Variants in CNTNAP4 observed in about 807,000 individuals in gnomAD.
CNTNAP4 encodes contactin associated protein family member 4.
In CNTNAP4, 98 loss-of-function variants were observed where a neutral mutation model predicts 148.4. The ratio of observed to expected loss-of-function variants is 0.66; its 90% CI spans 0.56 to 0.78. The LOEUF is 0.78. Ranked by LOEUF, CNTNAP4 falls within the 30% of genes least tolerant of loss-of-function variation. The pLI is 0.00. For synonymous variants in CNTNAP4, 730 were observed against 565.1 expected (o/e 1.29, Z -4.14); for missense variants, 1,935 against 1,565.6 (o/e 1.24, Z -3.98).
intron 3 of CNTNAP4, among the ~76,000 whole-genome samples, chr16:76,387,075 A>G (rs2016575112): frequency 1.3e-5 from 2 of 152,186 alleles, no homozygotes; most frequent in South Asian, 4.1e-4. Context: ...TCCTGCTGAC[A>G]TCTTGATTTC....
intron 4 of CNTNAP4, among the ~76,000 whole-genome samples, chr16:76,445,840 A>T (rs1385593214): frequency 6.6e-6 from 1 of 152,208 alleles, no homozygotes; most frequent in Non-Finnish European, 1.5e-5. Flanking sequence ...ACTCGGAGAT[A>T]ACTGCATTGC....
chr16:76,357,654 A>T (rs963114705), intron 3 of CNTNAP4, among the ~76,000 whole-genome samples: 2 of 152,242 alleles, frequency 1.3e-5, no homozygotes, highest in Non-Finnish European at 2.9e-5. Flanking sequence ...AGCACCTGGC[A>T]TGTCACAGTC....
chr16:76,510,219 A>G, intron 15 of CNTNAP4, among the ~76,000 whole-genome samples: 1 of 152,134 alleles, frequency 6.6e-6, no homozygotes, highest in East Asian at 1.9e-4. Flanking sequence ...CATATTCTGA[A>G]TATTTCATAT....
At chr16:76,488,519 T>G (rs1469191313) in intron 12 of CNTNAP4, among the ~76,000 whole-genome samples, 1 of 152,192 alleles carries the variant, frequency 6.6e-6, no homozygotes, top group East Asian at 1.9e-4. Context: ...AATGAAATTT[T>G]CAAAGTATAC....
At chr16:76,503,945 A>C (rs2082745310) in intron 15 of CNTNAP4, among the ~76,000 whole-genome samples, 1 of 152,052 alleles carries the variant, frequency 6.6e-6, no homozygotes, top group Non-Finnish European at 1.5e-5. Flanking sequence ...ACAAATTATT[A>C]AGAAAAAATT....
Position 76,508,510 on chromosome 16 carries a change from A to G in CNTNAP4, c.2365+9816A>G, listed in dbSNP as rs569934475. Among the ~76,000 whole-genome samples the G allele has an allele frequency of 9.7e-4, 84 of 86,570 alleles. 33 individuals are homozygous for G. Among genetic ancestry groups the G allele is most frequent in the Non-Finnish European group, 2.6e-3 (83 of 32,098 alleles). 56.8% of individuals were successfully genotyped at this position (86,570 alleles called of 152,430 possible). On this transcript the variant is annotated intron_variant, in intron 15 of 23. Coordinates refer to ENST00000611870, the MANE Select transcript of CNTNAP4 (RefSeq NM_033401.5). ...ATTGCCCCTTCTTGGAAAATAGATT[A>G]TTTTATGGTCTATTTTGCTTTTTTT...
At chr16:76,437,941 G>C (rs2079892009) in intron 4 of CNTNAP4, among the ~76,000 whole-genome samples, 1 of 152,042 alleles carries the variant, frequency 6.6e-6, no homozygotes. Context: ...AAAATTATAA[G>C]TGTTAAATAA....
intron 3 of CNTNAP4, among the ~76,000 whole-genome samples, chr16:76,384,792 AT>A (rs1465964514): frequency 6.6e-6 from 1 of 152,154 alleles, no homozygotes; most frequent in African/African-American, 2.4e-5. Context: ...ATAAGCTTTT[AT>A]TTTACTACAG....
intron 1 of CNTNAP4, among the ~76,000 whole-genome samples, chr16:76,304,177 G>A (rs929794961): frequency 6.6e-6 from 1 of 151,948 alleles, no homozygotes; most frequent in African/African-American, 2.4e-5. Context: ...TCCTCATTTC[G>A]AGATAGGAAA....
chr16:76,422,055 T>C (rs1405382170), intron 3 of CNTNAP4, among the ~76,000 whole-genome samples: 2 of 152,208 alleles, frequency 1.3e-5, no homozygotes, highest in Non-Finnish European at 2.9e-5. Flanking sequence ...TGCCTCTTCA[T>C]AAACTTTAGA....
At chr16:76,464,234 G>C (rs1468219900) in intron 9 of CNTNAP4, among the ~76,000 whole-genome samples, 1 of 152,166 alleles carries the variant, frequency 6.6e-6, no homozygotes, top group Non-Finnish European at 1.5e-5. Context: ...GAACTAGAGG[G>C]GAAAGGGTTC....
At chr16:76,402,762 C>T (rs936612076) in intron 3 of CNTNAP4, among the ~76,000 whole-genome samples, 1 of 152,268 alleles carries the variant, frequency 6.6e-6, no homozygotes, top group East Asian at 1.9e-4. Context: ...TCATTAGTTT[C>T]AAAGAACTTC....
chr16:76,291,074 A>G (rs1055726760), intron 1 of CNTNAP4, among the ~76,000 whole-genome samples: 1 of 152,094 alleles, frequency 6.6e-6, no homozygotes, highest in Non-Finnish European at 1.5e-5. Flanking sequence ...GCCTCCTGTT[A>G]TGGCCCTCTC....
At chr16:76,555,839 A>T (rs35710179) in intron 23 of CNTNAP4, among the ~76,000 whole-genome samples, 45 of 152,124 alleles carry the variant, frequency 3.0e-4, no homozygotes, top group African/African-American at 1.0e-3. Context: ...GGGTCCCTGA[A>T]ACTAGTGATG....
intron 15 of CNTNAP4, among the ~76,000 whole-genome samples, chr16:76,517,942 C>G (rs546962110): frequency 6.6e-6 from 1 of 152,104 alleles, no homozygotes; most frequent in African/African-American, 2.4e-5. Context: ...TTTAAAAGTA[C>G]TTATAGTCCT....
At chr16:76,527,512 C>G (rs1318916793) in intron 17 of CNTNAP4, among the ~76,000 whole-genome samples, 2 of 152,148 alleles carry the variant, frequency 1.3e-5, no homozygotes, top group African/African-American at 2.4e-5. Context: ...TGCATATCGA[C>G]TATCCTTTGT....
intron 1 of CNTNAP4, among the ~76,000 whole-genome samples, chr16:76,303,426 A>T (rs1960180658): frequency 6.6e-6 from 1 of 152,214 alleles, no homozygotes; most frequent in Non-Finnish European, 1.5e-5. Context: ...TATGACTAGA[A>T]TAAGAATTGA....
In CNTNAP4 at chr16:76,371,531, C is replaced by T. The variant is rs2014822120; in HGVS notation, c.390+16020C>T. ...AACTCCTGACCTGAGGTGATCTGCC[C>T]ACGTCAGCCTCCCAAAATGCTGGGA... On this transcript the variant is annotated intron_variant, in intron 3 of 23. Transcript: ENST00000611870. Among the ~76,000 whole-genome samples, 3 of 152,144 alleles carry T rather than the reference C, an allele frequency of 2.0e-5. No individual in the cohort carries two copies. In the South Asian group the frequency reaches 6.2e-4, roughly 32 times the overall value.
At chr16:76,372,540 A>C (rs1367650177) in intron 3 of CNTNAP4, among the ~76,000 whole-genome samples, 1 of 152,114 alleles carries the variant, frequency 6.6e-6, no homozygotes, top group Non-Finnish European at 1.5e-5. Flanking sequence ...TCACGTGGGC[A>C]GTTTCCCCCA....
Sources: allele counts gnomAD v4.1 joint callset (sites outside exome capture counted in the v4.1 genomes callset), GRCh38; gene constraint gnomAD v4.1.1; transcripts MANE v1.5; gene names NCBI Gene and HGNC (gene_info 2026-07-23, HGNC 2026-07-21).